GPBP1L1: variants seen among roughly 807,000 people sequenced by gnomAD.
The protein encoded by GPBP1L1 is GC-rich promoter binding protein 1 like 1.
Under a neutral mutation model 52.5 loss-of-function variants are expected in GPBP1L1, and 23 were observed. The ratio of observed to expected loss-of-function variants is 0.44; its 90% CI spans 0.32 to 0.62. The LOEUF (loss-of-function observed/expected upper bound fraction) is 0.62, where lower values mean the gene tolerates loss of function less well. GPBP1L1 is among the 20% of genes least tolerant of loss of function. The pLI is 0.06. For synonymous variants in GPBP1L1, 243 were observed against 203.1 expected, an observed-to-expected ratio of 1.20 and a Z score of -1.67; for missense variants, 596 against 579.3, an observed-to-expected ratio of 1.03 and a Z score of -0.30.
At chr1:45,678,242 A>G (rs1645170467) in intron 2 of GPBP1L1, among the ~76,000 whole-genome samples, 1 of 152,256 alleles carries the variant, frequency 6.6e-6, no homozygotes, top group Non-Finnish European at 1.5e-5. Context: ...AAATGCGAAT[A>G]TACTAAAAAC....
At chr1:45,640,766 G>A (rs931747638) in intron 7 of GPBP1L1, among the ~76,000 whole-genome samples, 2 of 152,102 alleles carry the variant, frequency 1.3e-5, no homozygotes, top group African/African-American at 4.8e-5. Context: ...CTCAGCACTT[G>A]GAGGTGCTGA....
chr1:45,628,393 AGC>A lies in GPBP1L1; in HGVS notation c.1286_1287del (p.Gly429ValfsTer27). 1.2e-6 allele frequency: 2 copies of A among 1,614,060 alleles called. No individual in the cohort carries two copies. The highest frequency in any genetic ancestry group is 1.7e-6 in the Non-Finnish European group (2 of 1,180,038). On this transcript the variant is annotated frameshift_variant, in exon 13 of 13. Coordinates refer to ENST00000355105, the MANE Select transcript of GPBP1L1 (RefSeq NM_021639.5). LOFTEE classifies it high-confidence loss of function. ...CTCTGCAAGAAGCCATTCTTTCCAAAGCCATTTCTTCTCAGCTATGGTTAGCA... is the reference window on the plus strand; with the variant it reads ...CTCTGCAAGAAGCCATTCTTTCCAAACATTTCTTCTCAGCTATGGTTAGCA... ...HMKTEQLRRN[G>X]FGKNGFLQSR... is the part of the protein sequence containing the mutation.
At chr1:45,643,398 CATT>C (rs1644699296) in intron 6 of GPBP1L1, among the ~76,000 whole-genome samples, 1 of 152,106 alleles carries the variant, frequency 6.6e-6, no homozygotes, top group African/African-American at 2.4e-5. Context: ...ATGCAGTTAA[CATT>C]ATCTAATTAT....
At chr1:45,671,042 C>T (rs1484979097) in intron 2 of GPBP1L1, among the ~76,000 whole-genome samples, 2 of 152,046 alleles carry the variant, frequency 1.3e-5, no homozygotes, top group East Asian at 3.9e-4. Context: ...GATCCGCCCG[C>T]CTCAGCCTCC....
rs946575994 is a variant in GPBP1L1, at chr1:45,654,827, A to C, written c.193T>G (p.Ser65Ala). ...NNGPLRTAGD[S>A]WHQPSLFRHD... ...CGGAACAGGGAGGGCTGGTGCCAAG[A>C]ATCTAGAATAGTAAAGAAAAGGACT... The change falls in exon 6 of 13, where the codon TCT becomes GCT. Residue 65 changes from serine to alanine, a missense_variant and splice_region_variant. Physicochemically the swap from Ser to Ala is moderately conservative, Grantham distance 99. Coordinates refer to ENST00000355105, the MANE Select transcript of GPBP1L1 (RefSeq NM_021639.5). The C allele has an allele frequency of 5.6e-6, 9 of 1,613,290 alleles. No individual in the cohort carries two copies. The highest frequency in any genetic ancestry group is 7.6e-6 in the Non-Finnish European group (9 of 1,179,642).
intron 2 of GPBP1L1, among the ~76,000 whole-genome samples, chr1:45,684,234 G>A (rs1247442358): frequency 2.4e-5 from 3 of 127,574 alleles, no homozygotes; most frequent in Admixed American, 9.1e-5. Context: ...CTCCAGCCTG[G>A]GCAACAAGAG....
intron 8 of GPBP1L1, among the ~76,000 whole-genome samples, chr1:45,639,130 A>C (rs946268925): frequency 1.3e-5 from 2 of 152,222 alleles, no homozygotes; most frequent in Non-Finnish European, 2.9e-5. Flanking sequence ...CCTTCATAGA[A>C]AAAAATTACC....
chr1:45,660,457 A>G lies in GPBP1L1; in HGVS notation c.-329T>C, dbSNP rs896020188. On this transcript the variant is annotated 5_prime_UTR_variant, in exon 3 of 13. Transcript: ENST00000355105. ...TAAAAAGTATTTGTTACATTTAAAAAGGGGGGGAAGGGGAAAGAGCTGTAT... is the reference window on the plus strand; with the variant it reads ...TAAAAAGTATTTGTTACATTTAAAAGGGGGGGGAAGGGGAAAGAGCTGTAT... 4.5e-5 allele frequency: 44 copies of G among 967,966 alleles called. No homozygotes were observed. The highest frequency in any genetic ancestry group is 4.8e-5 in the Non-Finnish European group (39 of 814,630). 60.0% of individuals were successfully genotyped at this position (967,966 alleles called of 1,614,324 possible). A position where few individuals can be genotyped will look rare whatever the true frequency, so the allele number is the denominator to read the frequency against.
At chr1:45,668,581 G>C (rs1645038096) in intron 2 of GPBP1L1, among the ~76,000 whole-genome samples, 3 of 151,728 alleles carry the variant, frequency 2.0e-5, no homozygotes, top group Admixed American at 2.0e-4. Context: ...TTGAACCCGG[G>C]AAGTGGCAGA....
chr1:45,657,451 G>A (rs567915376), intron 4 of GPBP1L1, among the ~76,000 whole-genome samples: 2 of 152,224 alleles, frequency 1.3e-5, no homozygotes, highest in Non-Finnish European at 2.9e-5. Context: ...TAGGAGGATC[G>A]CCTGAGCCAG....
At chr1:45,640,623 A>C (rs1000442109) in intron 7 of GPBP1L1, among the ~76,000 whole-genome samples, 4 of 152,210 alleles carry the variant, frequency 2.6e-5, no homozygotes, top group Admixed American at 6.5e-5. Context: ...TAAATTTATA[A>C]ATCAGCCAGG....
At chr1:45,647,902 G>A (rs1335794685) in intron 6 of GPBP1L1, among the ~76,000 whole-genome samples, 1 of 152,104 alleles carries the variant, frequency 6.6e-6, no homozygotes, top group Non-Finnish European at 1.5e-5. Flanking sequence ...TAAGGGTAGT[G>A]GCTGCTCCTT....
At chr1:45,664,508 G>A (rs1055519126) in intron 2 of GPBP1L1, among the ~76,000 whole-genome samples, 4 of 152,084 alleles carry the variant, frequency 2.6e-5, no homozygotes, top group African/African-American at 4.8e-5. Context: ...GGAGCTTGCC[G>A]TGAGCGGAGA....
chr1:45,640,728 G>A (rs916013824), intron 7 of GPBP1L1, among the ~76,000 whole-genome samples: 4 of 152,158 alleles, frequency 2.6e-5, no homozygotes, highest in African/African-American at 7.2e-5. Context: ...AAATCCAAGC[G>A]CCAGGCACTG....
intron 6 of GPBP1L1, among the ~76,000 whole-genome samples, chr1:45,647,566 G>C (rs549980374): frequency 1.3e-5 from 2 of 152,120 alleles, no homozygotes; most frequent in African/African-American, 4.8e-5. Flanking sequence ...TTCTGCCAGC[G>C]GAGAACAATG....
intron 2 of GPBP1L1, among the ~76,000 whole-genome samples, chr1:45,668,747 T>C (rs1232893003): frequency 1.3e-5 from 2 of 152,190 alleles, no homozygotes; most frequent in Non-Finnish European, 1.5e-5. Flanking sequence ...TAATGGCCGA[T>C]GTAATGCCCT....
chr1:45,637,594 T>C (rs1208501386), intron 8 of GPBP1L1, among the ~76,000 whole-genome samples: 1 of 151,012 alleles, frequency 6.6e-6, no homozygotes, highest in African/African-American at 2.4e-5. Context: ...AAAGTGATCT[T>C]AAGTTTTGTA....
chr1:45,646,162 C>G (rs1644742934), intron 6 of GPBP1L1: 1 of 368,218 alleles, frequency 2.7e-6, no homozygotes, highest in Non-Finnish European at 5.2e-6. Flanking sequence ...TGGTGATACT[C>G]TTGAGAGCAA....
chr1:45,666,901 A>G (rs1489763086), intron 2 of GPBP1L1, among the ~76,000 whole-genome samples: 1 of 152,234 alleles, frequency 6.6e-6, no homozygotes, highest in Non-Finnish European at 1.5e-5. Flanking sequence ...AAGCTACAAC[A>G]TGGATGAACC....
Sources: allele counts gnomAD v4.1 joint callset (sites outside exome capture counted in the v4.1 genomes callset), GRCh38; gene constraint gnomAD v4.1.1; transcripts MANE v1.5; gene names NCBI Gene and HGNC (gene_info 2026-07-23, HGNC 2026-07-21).